EPHA6: variants seen among roughly 807,000 people sequenced by gnomAD.
EPHA6 encodes ephrin type-A receptor 6.
In EPHA6, 50 loss-of-function variants were observed where a neutral mutation model predicts 112.0. That is an observed-to-expected ratio of 0.45 (90% CI 0.36 to 0.56). The LOEUF (loss-of-function observed/expected upper bound fraction) is 0.56, where lower values mean the gene tolerates loss of function less well. Among genes scored for constraint, EPHA6 ranks in the 20% least tolerant of loss-of-function variants. The pLI is 0.00. For missense variants in EPHA6, 1,280 were observed against 1,417.4 expected, an observed-to-expected ratio of 0.90 and a Z score of 1.56; for synonymous variants, 529 against 490.7, an observed-to-expected ratio of 1.08 and a Z score of -1.03.
At chr3:97,004,007 G>A (rs914318720) in intron 3 of EPHA6, among the ~76,000 whole-genome samples, 13 of 152,076 alleles carry the variant, frequency 8.5e-5, no homozygotes, top group Middle Eastern at 3.2e-3. Flanking sequence ...ATTCCATGGT[G>A]TATATAGATA....
intron 1 of EPHA6, among the ~76,000 whole-genome samples, chr3:96,865,513 C>A (rs1384969149): frequency 1.3e-5 from 2 of 151,634 alleles, no homozygotes; most frequent in African/African-American, 2.4e-5. Context: ...AAGACCTTGT[C>A]TCTACAATAA....
chr3:97,341,733 C>A (rs1264308673), intron 5 of EPHA6, among the ~76,000 whole-genome samples: 1 of 152,044 alleles, frequency 6.6e-6, no homozygotes, highest in East Asian at 1.9e-4. Flanking sequence ...CATATATAAT[C>A]AAAAACTTTG....
chr3:97,131,362 A>T (rs993982678), intron 3 of EPHA6, among the ~76,000 whole-genome samples: 1 of 152,122 alleles, frequency 6.6e-6, no homozygotes, highest in Non-Finnish European at 1.5e-5. Flanking sequence ...AGTACTGTAT[A>T]AAAAATAGGA....
chr3:97,613,759 C>A (rs2093740011), intron 13 of EPHA6, among the ~76,000 whole-genome samples: 2 of 151,386 alleles, frequency 1.3e-5, no homozygotes, highest in African/African-American at 4.9e-5. Flanking sequence ...AGCCTGGCTG[C>A]CCAGAAGGCA....
chr3:97,736,117 G>C lies in EPHA6; in HGVS notation c.3127G>C (p.Val1043Leu), dbSNP rs1329416225. The change falls in exon 16 of 18, where the codon GTA becomes CTA. Residue 1043 changes from valine (V) to leucine (L), a missense_variant and splice_region_variant. By Grantham distance (32) the Val-to-Leu change is conservative (BLOSUM62 1). Coordinates refer to ENST00000389672, the MANE Select transcript of EPHA6 (RefSeq NM_001080448.3). Reference protein sequence around the residue: ...ALHTLVEDILVMPESPGEVPE... With the variant: ...ALHTLVEDILLMPESPGEVPE... ...TCACACCCTGGTGGAGGACATCCTT[G>C]TGTAAGAGGCATAATGTTGAGTTTT... 6.2e-7 allele frequency: 1 copy of C among 1,609,004 alleles called. No homozygotes were observed. Among genetic ancestry groups the C allele is most frequent in the Middle Eastern group, 1.7e-4 (1 of 5,976 alleles).
chr3:97,615,130 A>G (rs2093754385), intron 13 of EPHA6, among the ~76,000 whole-genome samples: 1 of 152,092 alleles, frequency 6.6e-6, no homozygotes, highest in South Asian at 2.1e-4. Context: ...AAGGTCAATG[A>G]CCCACCCAGG....
At chr3:97,564,896 T>C (rs1040422578) in intron 11 of EPHA6, among the ~76,000 whole-genome samples, 7 of 152,166 alleles carry the variant, frequency 4.6e-5, no homozygotes, top group African/African-American at 1.7e-4. Context: ...ATATCTGGCA[T>C]ATATGGCACC....
chr3:96,960,456 G>A (rs750971839), intron 2 of EPHA6, among the ~76,000 whole-genome samples: 10 of 152,082 alleles, frequency 6.6e-5, no homozygotes, highest in Non-Finnish European at 1.3e-4. Flanking sequence ...GTTAAGTGTT[G>A]CCATCTGGCC....
rs142581986 is a variant in EPHA6, at chr3:97,164,043, C to G, written c.1115-62221C>G. 1.1e-4 allele frequency among the ~76,000 whole-genome samples: 16 copies of G among 152,256 alleles called. No homozygotes were observed. In the East Asian group the frequency reaches 2.7e-3, roughly 26 times the overall value. ...TTTTGTGGTGCATAAACCAGGAATTCCAATTCTTGAGCTTTTCTTTCTCCA... is the reference window on the plus strand; with the variant it reads ...TTTTGTGGTGCATAAACCAGGAATTGCAATTCTTGAGCTTTTCTTTCTCCA... On this transcript the variant is annotated intron_variant, in intron 3 of 17. Transcript: ENST00000389672.
chr3:97,665,859 C>A (rs886364413), intron 14 of EPHA6, among the ~76,000 whole-genome samples: 2 of 152,106 alleles, frequency 1.3e-5, no homozygotes, highest in African/African-American at 4.8e-5. Flanking sequence ...GGTTCGACAC[C>A]AATCTGGCCA....
At chr3:96,866,796 T>C in intron 1 of EPHA6, 29 bp from the exon 2 acceptor site, 4 of 1,321,062 alleles carry the variant, frequency 3.0e-6, no homozygotes, top group Non-Finnish European at 4.0e-6. Context: ...GAGAAATTCA[T>C]GGAATTTTTA....
At chr3:97,610,887 A>C (rs757818692) in intron 13 of EPHA6, 33 bp downstream of exon 13, 3 of 1,473,260 alleles carry the variant, frequency 2.0e-6, no homozygotes. Flanking sequence ...CATTTAAATA[A>C]GCTATTCTCA....
intron 5 of EPHA6, among the ~76,000 whole-genome samples, chr3:97,329,214 C>T (rs1436796968): frequency 1.3e-5 from 2 of 151,826 alleles, no homozygotes; most frequent in Non-Finnish European, 2.9e-5. Flanking sequence ...TCCAGTCTAT[C>T]ATTGTTGGAC....
At chr3:97,079,606 T>TAAA (rs71113851) in intron 3 of EPHA6, among the ~76,000 whole-genome samples, 19 of 113,268 alleles carry the variant, frequency 1.7e-4, no homozygotes, top group African/African-American at 5.2e-4. Context: ...AAATTAAAAG[T>TAAA]AAAAAAAAAA....
intron 4 of EPHA6, among the ~76,000 whole-genome samples, chr3:97,226,755 CT>C (rs1404170075): frequency 6.6e-6 from 1 of 152,176 alleles, no homozygotes; most frequent in Non-Finnish European, 1.5e-5. Context: ...AACTTCTGTT[CT>C]TTGCTTCAAC....
At chr3:97,305,321 G>T (rs773081118) in intron 5 of EPHA6, among the ~76,000 whole-genome samples, 3 of 151,768 alleles carry the variant, frequency 2.0e-5, no homozygotes, top group Non-Finnish European at 4.4e-5. Context: ...ATTCCTCAAA[G>T]ACCTAGAACC....
intron 3 of EPHA6, among the ~76,000 whole-genome samples, chr3:97,214,793 G>A (rs1576696901): frequency 1.3e-5 from 2 of 152,194 alleles, no homozygotes; most frequent in East Asian, 3.9e-4. Flanking sequence ...GATGCTATGA[G>A]GTTATTCAGA....
chr3:97,383,773 G>A (rs936144013), intron 5 of EPHA6, among the ~76,000 whole-genome samples: 3 of 152,016 alleles, frequency 2.0e-5, no homozygotes, highest in Non-Finnish European at 2.9e-5. Flanking sequence ...AACATTAAAA[G>A]CTCTGATAAT....
At chr3:96,967,923 G>T (rs918692880) in intron 2 of EPHA6, among the ~76,000 whole-genome samples, 1 of 151,672 alleles carries the variant, frequency 6.6e-6, no homozygotes, top group Non-Finnish European at 1.5e-5. Flanking sequence ...TTTAAAAGTG[G>T]ATATTTAGCA....
Sources: allele counts gnomAD v4.1 joint callset (sites outside exome capture counted in the v4.1 genomes callset), GRCh38; gene constraint gnomAD v4.1.1; transcripts MANE v1.5; gene names NCBI Gene and HGNC (gene_info 2026-07-23, HGNC 2026-07-21).